Variants in MAST4 observed in about 807,000 individuals in gnomAD.
MAST4 encodes microtubule associated serine/threonine kinase family member 4, also known as microtubule-associated serine/threonine-protein kinase 4.
MAST4 carries 89 observed loss-of-function variants against 162.7 expected under a neutral mutation model. The ratio of observed to expected loss-of-function variants is 0.55; its 90% CI spans 0.46 to 0.65. The LOEUF is 0.65. Among genes scored for constraint, MAST4 ranks in the 30% least tolerant of loss-of-function variants. MAST4 has a pLI of 0.00. For missense variants in MAST4, 3,153 were observed against 3,374.0 expected, an observed-to-expected ratio of 0.93 and a Z score of 1.62; for synonymous variants, 1,479 against 1,361.1, an observed-to-expected ratio of 1.09 and a Z score of -1.91.
At chr5:66,997,520 C>G (rs1750798886) in intron 4 of MAST4, among the ~76,000 whole-genome samples, 1 of 150,706 alleles carries the variant, frequency 6.6e-6, no homozygotes, top group Non-Finnish European at 1.5e-5. Flanking sequence ...CAACCTCCAT[C>G]TCTGGGGTTC....
At chr5:66,993,502 T>C (rs756031239) in intron 4 of MAST4, among the ~76,000 whole-genome samples, 12 of 152,176 alleles carry the variant, frequency 7.9e-5, no homozygotes, top group South Asian at 4.1e-4. Flanking sequence ...ATAAAATTCA[T>C]TGGGGAGCCA....
intron 4 of MAST4, among the ~76,000 whole-genome samples, chr5:67,014,878 G>A (rs1479488125): frequency 1.3e-5 from 2 of 152,114 alleles, no homozygotes; most frequent in Non-Finnish European, 1.5e-5. Flanking sequence ...GAGCAATTGT[G>A]GTTTTTCTTA....
At chr5:66,637,384 G>A (rs1372686757) in intron 1 of MAST4, among the ~76,000 whole-genome samples, 1 of 151,942 alleles carries the variant, frequency 6.6e-6, no homozygotes, top group East Asian at 1.9e-4. Context: ...TAAAATGTTG[G>A]ATATGTATTG....
chr5:67,107,130 C>T (rs1396565024), intron 10 of MAST4, among the ~76,000 whole-genome samples: 1 of 152,178 alleles, frequency 6.6e-6, no homozygotes, highest in Non-Finnish European at 1.5e-5. Flanking sequence ...CCTAATTCTG[C>T]AATTCTGTCC....
intron 1 of MAST4, among the ~76,000 whole-genome samples, chr5:66,743,178 T>TGC (rs1752567134): frequency 6.6e-6 from 1 of 152,210 alleles, no homozygotes; most frequent in South Asian, 2.1e-4. Context: ...CATCTCCTGC[T>TGC]TTCTTCTTCT....
chr5:66,789,066 A>G (rs1035212943), intron 3 of MAST4, among the ~76,000 whole-genome samples: 1 of 152,202 alleles, frequency 6.6e-6, no homozygotes, highest in African/African-American at 2.4e-5. Flanking sequence ...TTTTGAAATA[A>G]TATAAAACTC....
At chr5:66,718,010 G>A (rs144946868) in intron 1 of MAST4, among the ~76,000 whole-genome samples, 3 of 152,124 alleles carry the variant, frequency 2.0e-5, no homozygotes, top group South Asian at 2.1e-4. Flanking sequence ...GAGGGACTGC[G>A]TTTCAGCTGT....
intron 1 of MAST4, among the ~76,000 whole-genome samples, chr5:66,742,753 G>T (rs1052257061): frequency 6.6e-6 from 1 of 152,196 alleles, no homozygotes; most frequent in Non-Finnish European, 1.5e-5. Flanking sequence ...CTACAGGAGA[G>T]TTTTCTTCTG....
chr5:66,714,710 T>C (rs1282251735), intron 1 of MAST4, among the ~76,000 whole-genome samples: 1 of 152,266 alleles, frequency 6.6e-6, no homozygotes, highest in East Asian at 1.9e-4. Flanking sequence ...TTTTTTGTCT[T>C]TTTTAAACAA....
intron 4 of MAST4, chr5:66,958,929 G>C (rs1263206126): frequency 3.2e-6 from 1 of 312,762 alleles, no homozygotes; most frequent in African/African-American, 2.1e-5. Flanking sequence ...GAGGTGAAAA[G>C]TGGGTCTGTG....
At chr5:66,773,592 G>A (rs1754453815) in intron 2 of MAST4, among the ~76,000 whole-genome samples, 1 of 152,182 alleles carries the variant, frequency 6.6e-6, no homozygotes, top group South Asian at 2.1e-4. Flanking sequence ...GTATTTAGAA[G>A]TAGGGCCTTT....
intron 3 of MAST4, among the ~76,000 whole-genome samples, chr5:66,895,728 T>C (rs1762643319): frequency 6.6e-6 from 1 of 152,184 alleles, no homozygotes; most frequent in Non-Finnish European, 1.5e-5. Flanking sequence ...ATATTAAATA[T>C]TACCTTAAAG....
rs183362460 is a variant in MAST4 at position 66,706,979 on chromosome 5, T to C, written c.364-52730T>C. ...GATGCCGTGCTAGCCTTTCAGTTAC[T>C]GTAATTTCTACTTGGAGTTATACTC... On this transcript the variant is annotated intron_variant, in intron 1 of 28. Coordinates refer to ENST00000403625, the MANE Select transcript of MAST4 (RefSeq NM_001164664.2). Among the ~76,000 whole-genome samples the C allele has an allele frequency of 5.1e-4, 77 of 152,358 alleles. No individual in the cohort carries two copies. In the East Asian group the frequency reaches 8.3e-3, roughly 16 times the overall value.
chr5:66,700,539 G>A (rs1393957576), intron 1 of MAST4, among the ~76,000 whole-genome samples: 4 of 151,758 alleles, frequency 2.6e-5, no homozygotes, highest in East Asian at 1.9e-4. Context: ...AAAACTAGCC[G>A]GGCTGGTGGT....
intron 1 of MAST4, among the ~76,000 whole-genome samples, chr5:66,677,450 T>C (rs902230134): frequency 6.6e-6 from 1 of 152,210 alleles, no homozygotes; most frequent in Non-Finnish European, 1.5e-5. Flanking sequence ...CTGCCAGATA[T>C]CCATTTTGCA....
Position 67,109,309 on chromosome 5 carries a change from A to G in MAST4, c.1357-789A>G, listed in dbSNP as rs74563785. Among the ~76,000 whole-genome samples, 807 of 152,268 alleles carry G rather than the reference A, an allele frequency of 5.3e-3. 6 individuals are homozygous for G. The highest frequency in any genetic ancestry group is 0.019 in the African/African-American group (777 of 41,562). ...ACTTTTAAAGCACCAACATGATAAC[A>G]CAAGTGGAAATTCTCATACCTGACC... On this transcript the variant is annotated intron_variant, in intron 10 of 28. Transcript: ENST00000403625.
At chr5:66,981,075 C>T (rs115821493) in intron 4 of MAST4, among the ~76,000 whole-genome samples, 4,233 of 152,180 alleles carry the variant, frequency 0.028, 93 homozygotes, top group Non-Finnish European at 0.036. Context: ...TGGGAGAGAT[C>T]GTTTGGGCAT....
At chr5:67,001,849 T>C (rs950806429) in intron 4 of MAST4, 1 of 152,158 alleles carries the variant, frequency 6.6e-6, no homozygotes, top group African/African-American at 2.4e-5. Context: ...TCTTTCATCT[T>C]TGGATCCAAA....
chr5:66,795,404 A>G (rs1432875117), intron 3 of MAST4, among the ~76,000 whole-genome samples: 1 of 152,122 alleles, frequency 6.6e-6, no homozygotes, highest in Non-Finnish European at 1.5e-5. Flanking sequence ...CTTCAGGTAG[A>G]TTCTTGGAGT....
Sources: allele counts gnomAD v4.1 joint callset (sites outside exome capture counted in the v4.1 genomes callset), GRCh38; gene constraint gnomAD v4.1.1; transcripts MANE v1.5; gene names NCBI Gene and HGNC (gene_info 2026-07-23, HGNC 2026-07-21).